The following RNF150 variants were observed in gnomAD, a reference collection of about 807,000 sequenced individuals.
RNF150 encodes the protein ring finger protein 150.
RNF150 carries 24 observed loss-of-function variants against 39.3 expected under a neutral mutation model. The observed-to-expected ratio is 0.61, with a 90% CI of 0.44 to 0.86. The LOEUF is 0.86. Among genes scored for constraint, RNF150 ranks in the 40% least tolerant of loss-of-function variants. The pLI, the probability that RNF150 is intolerant of heterozygous loss-of-function variation, is 0.00. For synonymous variants in RNF150, 255 were observed against 227.3 expected, an observed-to-expected ratio of 1.12 and a Z score of -1.10; for missense variants, 502 against 587.8, an observed-to-expected ratio of 0.85 and a Z score of 1.51.
intron 1 of RNF150, among the ~76,000 whole-genome samples, chr4:141,007,473 G>A (rs777073612): frequency 4.6e-5 from 7 of 152,218 alleles, no homozygotes; most frequent in East Asian, 3.9e-4. Context: ...TAAAATTTCT[G>A]CCAGGTCTAT....
chr4:141,022,645 T>A (rs952975287), intron 1 of RNF150, among the ~76,000 whole-genome samples: 1 of 152,188 alleles, frequency 6.6e-6, no homozygotes, highest in Non-Finnish European at 1.5e-5. Flanking sequence ...TTTCATTCTG[T>A]ATATCTAAAT....
chr4:141,121,097 T>A (rs1435419090), intron 1 of RNF150, among the ~76,000 whole-genome samples: 1 of 152,212 alleles, frequency 6.6e-6, no homozygotes, highest in Non-Finnish European at 1.5e-5. Flanking sequence ...GTCACCCCTT[T>A]ACTGCATTAT....
At chr4:141,086,774 A>G (rs1336869070) in intron 1 of RNF150, among the ~76,000 whole-genome samples, 1 of 151,644 alleles carries the variant, frequency 6.6e-6, no homozygotes, top group Non-Finnish European at 1.5e-5. Context: ...TTATAGAAAT[A>G]AACTACCATA....
intron 1 of RNF150, among the ~76,000 whole-genome samples, chr4:140,978,584 G>T (rs1733749696): frequency 6.6e-6 from 1 of 152,024 alleles, no homozygotes; most frequent in Admixed American, 6.6e-5. Flanking sequence ...ATTATTGAAG[G>T]TTGACTTATT....
chr4:140,993,031 C>T lies in RNF150; in HGVS notation c.485-25158G>A, dbSNP rs1036606298. Among the ~76,000 whole-genome samples the T allele has an allele frequency of 2.0e-5, 3 of 151,994 alleles. No homozygotes were observed. The East Asian group carries it at 5.8e-4, about 29-fold the overall frequency. ...AACAATGCTCTCGGGAGTCGCTCATCCTCCCTTGGGGTGTCAAGAACCGTC... is the reference window on the plus strand; with the variant it reads ...AACAATGCTCTCGGGAGTCGCTCATTCTCCCTTGGGGTGTCAAGAACCGTC... On this transcript the variant is annotated intron_variant, in intron 1 of 6. Coordinates refer to ENST00000515673, the MANE Select transcript of RNF150 (RefSeq NM_020724.2).
chr4:140,886,989 T>C (rs1255931310), intron 6 of RNF150, among the ~76,000 whole-genome samples: 1 of 152,236 alleles, frequency 6.6e-6, no homozygotes, highest in Non-Finnish European at 1.5e-5. Context: ...AAAGTAGGAA[T>C]TGTTCATTTT....
chr4:141,137,624 A>G (rs1488273079), upstream of RNF150, among the ~76,000 whole-genome samples: 3 of 152,220 alleles, frequency 2.0e-5, no homozygotes, highest in Non-Finnish European at 4.4e-5. Context: ...GTTCTATTCA[A>G]GGTGCCTAGA....
intron 1 of RNF150, among the ~76,000 whole-genome samples, chr4:141,087,873 CA>C (rs1167752347): frequency 6.6e-6 from 1 of 151,966 alleles, no homozygotes; most frequent in Admixed American, 6.6e-5. Context: ...CTTACAGGAT[CA>C]ATTCTGAATT....
intron 4 of RNF150, among the ~76,000 whole-genome samples, chr4:140,932,578 G>A (rs1037680572): frequency 1.9e-4 from 29 of 152,154 alleles, no homozygotes; most frequent in Non-Finnish European, 4.1e-4. Flanking sequence ...GTAGTTGGAG[G>A]TATTCAAACC....
chr4:140,900,002 G>GTGTGTGTGTC (rs1352482367), intron 6 of RNF150, among the ~76,000 whole-genome samples: 25 of 144,612 alleles, frequency 1.7e-4, no homozygotes, highest in Admixed American at 4.2e-4. Context: ...GTGTGTGTGT[G>GTGTGTGTGTC]TGTCCCATTT....
chr4:140,913,839 G>T (rs11735986), intron 5 of RNF150, among the ~76,000 whole-genome samples: 83,550 of 152,008 alleles, frequency 0.55, 23,468 homozygotes, highest in East Asian at 0.89. Context: ...ACTTGGGCAT[G>T]ATCTGCCCTA....
chr4:141,209,120 G>T (rs1387381180), intron 1 of RNF150, among the ~76,000 whole-genome samples: 1 of 151,900 alleles, frequency 6.6e-6, no homozygotes, highest in Non-Finnish European at 1.5e-5. Flanking sequence ...CAACTAAAGG[G>T]CCTTGCATTC....
chr4:141,041,911 G>A (rs1736389903), intron 1 of RNF150, among the ~76,000 whole-genome samples: 1 of 151,922 alleles, frequency 6.6e-6, no homozygotes, highest in Non-Finnish European at 1.5e-5. Flanking sequence ...AATGGCAGAT[G>A]CTGGGAAAAA....
chr4:140,885,435 CTTT>C (rs1309319458), intron 6 of RNF150, among the ~76,000 whole-genome samples: 1 of 114,366 alleles, frequency 8.7e-6, no homozygotes, highest in Non-Finnish European at 1.7e-5. Flanking sequence ...GTACATATAT[CTTT>C]TTTTTTTTTT....
chr4:140,913,219 C>T (rs1370705862), intron 5 of RNF150, among the ~76,000 whole-genome samples: 3 of 152,086 alleles, frequency 2.0e-5, no homozygotes, highest in Non-Finnish European at 4.4e-5. Flanking sequence ...CAAGATTGTC[C>T]CACTGCACTC....
intron 1 of RNF150, among the ~76,000 whole-genome samples, chr4:141,143,370 T>C (rs1727152242): frequency 6.6e-6 from 1 of 152,224 alleles, no homozygotes; most frequent in Non-Finnish European, 1.5e-5. Flanking sequence ...AAGAGTTTTT[T>C]ATTCCTTGCT....
chr4:141,185,790 T>C (rs1456852817), intron 1 of RNF150, among the ~76,000 whole-genome samples: 1 of 152,242 alleles, frequency 6.6e-6, no homozygotes, highest in Non-Finnish European at 1.5e-5. Context: ...GAGATAATCA[T>C]GTGGTTTTTG....
chr4:141,026,855 T>C (rs1021512481), intron 1 of RNF150, among the ~76,000 whole-genome samples: 2 of 152,180 alleles, frequency 1.3e-5, no homozygotes, highest in African/African-American at 4.8e-5. Context: ...GAGGCTTGTC[T>C]TTTAGGCTAA....
At chr4:141,074,954 TC>T (rs982599302) in intron 1 of RNF150, among the ~76,000 whole-genome samples, 1 of 152,200 alleles carries the variant, frequency 6.6e-6, no homozygotes, top group African/African-American at 2.4e-5. Context: ...ATATTCTATT[TC>T]CCTTGGGAGC....
Sources: allele counts gnomAD v4.1 joint callset (sites outside exome capture counted in the v4.1 genomes callset), GRCh38; gene constraint gnomAD v4.1.1; transcripts MANE v1.5; gene names NCBI Gene and HGNC (gene_info 2026-07-23, HGNC 2026-07-21).